Variants in SLC44A5 observed in about 807,000 individuals in gnomAD.
SLC44A5 encodes the protein choline transporter-like protein 5.
A neutral mutation model predicts 101.8 loss-of-function variants in SLC44A5; 57 were observed. The observed-to-expected ratio is 0.56, with a 90% CI of 0.45 to 0.70. SLC44A5 has a LOEUF of 0.70. Among genes scored for constraint, SLC44A5 ranks in the 30% least tolerant of loss-of-function variants. The probability of loss-of-function intolerance (pLI) is 0.00; values close to 1 mark genes in which losing one functional copy is unlikely to be tolerated. For missense variants in SLC44A5, 737 were observed against 853.1 expected (o/e 0.86, Z 1.70); for synonymous variants, 281 against 290.9 (o/e 0.97, Z 0.35).
chr1:75,316,338 C>G (rs930737900), intron 4 of SLC44A5, among the ~76,000 whole-genome samples: 2 of 152,128 alleles, frequency 1.3e-5, no homozygotes, highest in Non-Finnish European at 2.9e-5. Flanking sequence ...GCCTTGAAAG[C>G]TCTCTCACCC....
intron 16 of SLC44A5, 24 bp from the exon 17 acceptor site, chr1:75,218,776 A>C (rs766000212): frequency 4.4e-6 from 7 of 1,593,146 alleles, no homozygotes; most frequent in South Asian, 1.1e-5. Flanking sequence ...AAGGAACACA[A>C]GGACATAATA....
At chr1:75,578,121 C>T (rs1202213387) in intron 1 of SLC44A5, among the ~76,000 whole-genome samples, 1 of 151,920 alleles carries the variant, frequency 6.6e-6, no homozygotes, top group African/African-American at 2.4e-5. Context: ...ATTTTATACT[C>T]CTTAAACAAT....
intron 2 of SLC44A5, among the ~76,000 whole-genome samples, chr1:75,478,219 A>G (rs1475209607): frequency 1.3e-5 from 2 of 151,954 alleles, no homozygotes; most frequent in Non-Finnish European, 2.9e-5. Flanking sequence ...TTTTGTCACC[A>G]CCAGGCCTGC....
intron 4 of SLC44A5, among the ~76,000 whole-genome samples, chr1:75,307,794 A>G (rs892837527): frequency 2.6e-5 from 4 of 152,064 alleles, no homozygotes; most frequent in Non-Finnish European, 4.4e-5. Context: ...GCCGCACACC[A>G]TTCTTTGTGT....
the SLC44A5 span, among the ~76,000 whole-genome samples, chr1:75,699,974 C>T: frequency 6.6e-6 from 1 of 152,124 alleles, no homozygotes; most frequent in South Asian, 2.1e-4. Flanking sequence ...AATATATATG[C>T]ACCCAATACA....
intron 23 of SLC44A5, among the ~76,000 whole-genome samples, chr1:75,208,187 C>G (rs1270614874): frequency 6.6e-6 from 1 of 152,178 alleles, no homozygotes; most frequent in Non-Finnish European, 1.5e-5. Flanking sequence ...GAGGCAAAGT[C>G]TCACTCTGTC....
In SLC44A5 at chr1:75,203,110, A is replaced by G. The variant is rs996042835; in HGVS notation, c.*617T>C. On this transcript the variant is annotated 3_prime_UTR_variant, in exon 24 of 24. Transcript: ENST00000370859. ...GCAGGTTTTAATTTTTTAAAAAACA[A>G]TGTTTGTAAACTTGCCCATAAAAGC... is the stretch of plus-strand genomic sequence containing the variant. The G allele has an allele frequency of 1.1e-4, 16 of 152,202 alleles. No individual in the cohort carries two copies. Among genetic ancestry groups the G allele is most frequent in the African/African-American group, 3.9e-4 (16 of 41,454 alleles). The allele number at this position is 152,202 out of a possible 1,614,324, so 9.4% of individuals were successfully genotyped here. A position where few individuals can be genotyped will look rare whatever the true frequency, so the allele number is the denominator to read the frequency against.
intron 2 of SLC44A5, among the ~76,000 whole-genome samples, chr1:75,491,628 C>G (rs1668429638): frequency 6.6e-6 from 1 of 151,934 alleles, no homozygotes; most frequent in Admixed American, 6.6e-5. Context: ...TTATTTTTCC[C>G]AAAACCATAT....
chr1:75,527,073 T>C (rs574311090), intron 2 of SLC44A5, among the ~76,000 whole-genome samples: 1 of 147,998 alleles, frequency 6.8e-6, no homozygotes, highest in South Asian at 2.1e-4. Flanking sequence ...AGGCAGAGGC[T>C]GCAGTGAGCC....
At chr1:75,238,280 GA>G (rs979591000) in intron 10 of SLC44A5, among the ~76,000 whole-genome samples, 9 of 148,970 alleles carry the variant, frequency 6.0e-5, no homozygotes, top group Non-Finnish European at 1.3e-4. Flanking sequence ...CTGGGCAACA[GA>G]AAAAAGCATC....
intron 2 of SLC44A5, among the ~76,000 whole-genome samples, chr1:75,496,442 A>C (rs929893429): frequency 6.6e-6 from 1 of 152,116 alleles, no homozygotes; most frequent in African/African-American, 2.4e-5. Flanking sequence ...CTTATCTTAC[A>C]ATATACACAA....
chr1:75,719,801 C>G, the SLC44A5 span, among the ~76,000 whole-genome samples: 7 of 152,102 alleles, frequency 4.6e-5, no homozygotes, highest in African/African-American at 1.4e-4. Flanking sequence ...TTCAACGAAG[C>G]CTGTCAATCT....
intron 3 of SLC44A5, among the ~76,000 whole-genome samples, chr1:75,393,065 G>A (rs536713695): frequency 6.6e-6 from 1 of 152,120 alleles, no homozygotes; most frequent in East Asian, 1.9e-4. Flanking sequence ...TCACTATTTG[G>A]GTGACAGATT....
At chr1:75,669,483 C>T in the SLC44A5 span, among the ~76,000 whole-genome samples, 4 of 152,184 alleles carry the variant, frequency 2.6e-5, no homozygotes, top group Non-Finnish European at 5.9e-5. Context: ...CAGTGGAGGA[C>T]ACAAATAAGA....
chr1:75,451,768 C>A (rs576689370), intron 2 of SLC44A5, among the ~76,000 whole-genome samples: 57 of 152,096 alleles, frequency 3.7e-4, no homozygotes, highest in African/African-American at 1.3e-3. Flanking sequence ...AACTTGAAGA[C>A]TGATCTTTCT....
intron 4 of SLC44A5, among the ~76,000 whole-genome samples, chr1:75,322,711 C>CAAA (rs1656258447): frequency 6.6e-6 from 1 of 152,068 alleles, no homozygotes; most frequent in African/African-American, 2.4e-5. Flanking sequence ...CCTCACTCAG[C>CAAA]AAAAACAAAC....
chr1:75,700,458 T>C, the SLC44A5 span, among the ~76,000 whole-genome samples: 431 of 149,504 alleles, frequency 2.9e-3, 2 homozygotes, highest in South Asian at 0.013. Flanking sequence ...TTGAAACCAA[T>C]GAGAACAAAG....
chr1:75,371,143 T>G (rs1291502519), intron 3 of SLC44A5, among the ~76,000 whole-genome samples: 1 of 152,210 alleles, frequency 6.6e-6, no homozygotes, highest in Admixed American at 6.5e-5. Context: ...TCTCTTTACG[T>G]GCAGCAAGGA....
chr1:75,267,007 C>T (rs148902779), intron 6 of SLC44A5, among the ~76,000 whole-genome samples: 78 of 152,268 alleles, frequency 5.1e-4, no homozygotes, highest in African/African-American at 1.8e-3. Flanking sequence ...TAGCACACTG[C>T]GCCGAACACA....
Sources: gnomAD v4.1 joint callset for allele counts (sites outside exome capture counted in the v4.1 genomes callset) on GRCh38, gnomAD v4.1.1 for gene constraint, MANE v1.5 for transcripts, NCBI Gene and HGNC (gene_info 2026-07-23, HGNC 2026-07-21) for gene names.